MRPL21: variants seen among roughly 807,000 people sequenced by gnomAD.
The protein encoded by MRPL21 is mitochondrial ribosomal protein L21.
MRPL21 carries 20 observed loss-of-function variants against 27.3 expected under a neutral mutation model. The ratio of observed to expected loss-of-function variants is 0.73; its 90% confidence interval spans 0.52 to 1.06. MRPL21 has a LOEUF of 1.06. MRPL21 is among the 50% of genes least tolerant of loss of function. MRPL21 has a pLI of 0.00. For missense variants in MRPL21, 249 were observed against 251.4 expected, an observed-to-expected ratio of 0.99 and a Z score of 0.06; for synonymous variants, 98 against 101.5, an observed-to-expected ratio of 0.97 and a Z score of 0.21.
chr11:68,896,673 C>G lies in MRPL21; in HGVS notation c.238G>C (p.Val80Leu). 6.2e-7 allele frequency: 1 copy of G among 1,613,954 alleles called. No homozygotes were observed. The highest frequency in any genetic ancestry group is 1.1e-5 in the South Asian group (1 of 91,072). ...VEETRHHAEV[V>L]KKVNEMIVTG... ...ACGATCATCTCATTCACCTTCTTCACGACCTCTGCAGGGGAAGGCGGGTGG... is the reference window on the plus strand; with the variant it reads ...ACGATCATCTCATTCACCTTCTTCAGGACCTCTGCAGGGGAAGGCGGGTGG... Residue 80 changes from valine to leucine, a missense_variant, in exon 4 of 7, where the codon GTG becomes CTG. Coordinates refer to ENST00000362034, the MANE Select transcript of MRPL21 (RefSeq NM_181514.2).
chr11:68,895,145 T>A (rs1857755517), intron 4 of MRPL21, among the ~76,000 whole-genome samples: 1 of 151,634 alleles, frequency 6.6e-6, no homozygotes, highest in African/African-American at 2.4e-5. Context: ...ATGCCTGTAA[T>A]CCCAGCTACT....
At chr11:68,893,087 T>C (rs766256188) in intron 5 of MRPL21, 94 bp from the exon 6 acceptor site, 2 of 1,411,846 alleles carry the variant, frequency 1.4e-6, no homozygotes, top group Non-Finnish European at 9.3e-7. Context: ...TACTTTCTCT[T>C]TTGTTGATTA....
chr11:68,894,950 G>A (rs973976967), intron 4 of MRPL21, among the ~76,000 whole-genome samples: 7 of 152,204 alleles, frequency 4.6e-5, no homozygotes, highest in African/African-American at 1.7e-4. Flanking sequence ...ACCTGTTGCA[G>A]AGGTAATTAT....
intron 1 of MRPL21, 108 bp from the exon 2 acceptor site, chr11:68,900,713 ACT>A: frequency 7.4e-6 from 7 of 944,858 alleles, no homozygotes; most frequent in Non-Finnish European, 1.2e-5. Flanking sequence ...GGTATGAACC[ACT>A]GCATGACAGC....
chr11:68,892,992 T>G lies in MRPL21; in HGVS notation c.451A>C (p.Lys151Gln). ...GTGGCTTCTACTCGAACAAGATCCT[T>G]TCTAGAAGGAAGAAAAATCAACAAT... Reference protein sequence around the residue: ...FTLLGKPLLGKDLVRVEATVI... With the variant: ...FTLLGKPLLGQDLVRVEATVI... The change falls in exon 6 of 7, where the codon AAG (lysine) becomes CAG (glutamine). Residue 151 changes from lysine (K) to glutamine (Q), a missense_variant and splice_region_variant. Transcript: ENST00000362034. The G allele has an allele frequency of 6.4e-7, 1 of 1,570,890 alleles. No individual in the cohort carries two copies. The highest frequency in any genetic ancestry group is 8.6e-7 in the Non-Finnish European group (1 of 1,161,466).
chr11:68,898,481 G>A (rs577060756), intron 2 of MRPL21, among the ~76,000 whole-genome samples: 3 of 152,192 alleles, frequency 2.0e-5, no homozygotes, highest in Non-Finnish European at 2.9e-5. Flanking sequence ...GGACCATGAC[G>A]TTCCCTGCTC....
Position 68,892,734 on chromosome 11 carries a change from C to A in MRPL21, c.553+156G>T, listed in dbSNP as rs896742843. The A allele has an allele frequency of 2.6e-6, 4 of 1,536,150 alleles. No homozygotes were observed. The African/African-American group carries it at 5.5e-5, about 21-fold the overall frequency. ...GCGAGGCTGGACCCTCTGGGTGCTC[C>A]CTCTAGGATGAGGGTGGCAAGTGGG... On this transcript the variant is annotated intron_variant, in intron 6 of 6. Transcript: ENST00000362034.
At chr11:68,897,668 C>A (rs564872637) in intron 3 of MRPL21, 2 of 534,890 alleles carry the variant, frequency 3.7e-6, no homozygotes, top group Non-Finnish European at 3.3e-6. Context: ...CAGAAGCAGA[C>A]GAGATGGAGC....
At position 68,897,909 on chromosome 11, in the gene MRPL21, C is replaced by A. The variant is rs902770722; in HGVS notation, c.232+18G>T. 2 of 1,606,868 alleles carry A rather than the reference C, an allele frequency of 1.2e-6. No homozygotes were observed. The highest frequency in any genetic ancestry group is 4.5e-5 in the East Asian group (2 of 44,850). ...CTAGGTGGTGCCCTCTAGCTTCTGTCTCCCAGGGAGGTCTTACCTGCATGG... is the reference window on the plus strand; with the variant it reads ...CTAGGTGGTGCCCTCTAGCTTCTGTATCCCAGGGAGGTCTTACCTGCATGG... On this transcript the variant is annotated intron_variant, in intron 3 of 6. Coordinates refer to ENST00000362034, the MANE Select transcript of MRPL21 (RefSeq NM_181514.2).
At position 68,891,354 on chromosome 11, in the gene MRPL21, C is replaced by T; in HGVS notation, c.595G>A (p.Glu199Lys). ...AATCACAACAAACACGGAGCAATCT[C>T]AATGCTGTTTATCCGGAGGACAGTC... ...PQTVLRINSIEIAPCLL is the reference protein window; with the variant it reads ...PQTVLRINSIKIAPCLL The change falls in exon 7 of 7, where the codon GAG becomes AAG. Residue 199 changes from glutamate (E) to lysine (K), a missense_variant. Physicochemically the swap from Glu to Lys is moderately conservative, Grantham distance 56. Coordinates refer to ENST00000362034, the MANE Select transcript of MRPL21 (RefSeq NM_181514.2). 2 of 1,614,096 alleles carry T rather than the reference C, an allele frequency of 1.2e-6. No homozygotes were observed. Among genetic ancestry groups the T allele is most frequent in the South Asian group, 1.1e-5 (1 of 91,080 alleles).
intron 5 of MRPL21, among the ~76,000 whole-genome samples, 167 bp from the exon 6 acceptor site, chr11:68,893,160 G>T (rs908867435): frequency 1.3e-5 from 2 of 152,208 alleles, no homozygotes; most frequent in African/African-American, 4.8e-5. Flanking sequence ...ACAAAGAACA[G>T]TTCCAGGGAG....
intron 2 of MRPL21, 53 bp from the exon 3 acceptor site, chr11:68,898,065 A>C: frequency 1.0e-4 from 143 of 1,421,264 alleles, no homozygotes; most frequent in Non-Finnish European, 1.3e-4. Context: ...AAGGCAGCTC[A>C]AATCCTCTAA....
At chr11:68,897,857 A>G in intron 3 of MRPL21, 70 bp downstream of exon 3, 1 of 1,201,332 alleles carries the variant, frequency 8.3e-7, no homozygotes, top group Non-Finnish European at 1.2e-6. Context: ...GCCTGGTGAC[A>G]ACCTCTGTGG....
At position 68,891,849 on chromosome 11, in the gene MRPL21, T is replaced by C. The variant is rs980098615; in HGVS notation, c.554-454A>G. The C allele has an allele frequency of 3.9e-4, 185 of 473,034 alleles. 1 individual carries two copies. The East Asian group carries it at 5.5e-3, about 14-fold the overall frequency. The allele number at this position is 473,034 out of a possible 1,614,324, so 29.3% of individuals were successfully genotyped here. On this transcript the variant is annotated intron_variant, in intron 6 of 6. Transcript: ENST00000362034. ...TGGTTTAGGCCGGCAACTGCAGTTA[T>C]AGCAAGAGCTGTGAGGGACAGAATT...
intron 5 of MRPL21, 143 bp downstream of exon 5, chr11:68,893,260 A>T: frequency 6.8e-7 from 1 of 1,473,586 alleles, no homozygotes; most frequent in Non-Finnish European, 9.0e-7. Flanking sequence ...CTAAATGTCC[A>T]CTATTATTAA....
intron 2 of MRPL21, among the ~76,000 whole-genome samples, chr11:68,899,794 C>G (rs986941591): frequency 1.3e-5 from 2 of 152,220 alleles, no homozygotes. Flanking sequence ...GCAGAGGATC[C>G]CTGGAGTCCC....
intron 2 of MRPL21, among the ~76,000 whole-genome samples, chr11:68,900,296 G>A (rs565998480): frequency 1.3e-5 from 2 of 152,114 alleles, no homozygotes; most frequent in Non-Finnish European, 2.9e-5. Flanking sequence ...GAAAAATACC[G>A]TCAAAAAAGT....
rs1857912357 is a variant in MRPL21 at position 68,900,604 on chromosome 11, G to C, written c.90C>G (p.Ala30=). 8 of 1,613,038 alleles carry C rather than the reference G, an allele frequency of 5.0e-6. No homozygotes were observed. The highest frequency in any genetic ancestry group is 6.8e-6 in the Non-Finnish European group (8 of 1,179,026). The part of the protein sequence containing the change: ...SILRPSGPGA[A]SLWSASRRFN... ...ACCTTCGAGAAGCAGACCAAAGGGA[G>C]GCTGAGGGAAGAAGAGAAACACAGA... Residue 30 remains alanine (A), a splice_region_variant and synonymous_variant, in exon 2 of 7, where the codon GCC becomes GCG. Transcript: ENST00000362034.
intron 3 of MRPL21, 120 bp downstream of exon 3, chr11:68,897,807 G>T: frequency 1.4e-6 from 1 of 719,790 alleles, no homozygotes; most frequent in Non-Finnish European, 2.5e-6. Flanking sequence ...GCACTGTGCT[G>T]TGTCTGGGAG....
Sources: gnomAD v4.1 joint callset for allele counts (sites outside exome capture counted in the v4.1 genomes callset) on GRCh38, gnomAD v4.1.1 for gene constraint, MANE v1.5 for transcripts, NCBI Gene and HGNC (gene_info 2026-07-23, HGNC 2026-07-21) for gene names.